The following CKMT2 variants were observed in gnomAD, a reference collection of about 807,000 sequenced individuals.
CKMT2 encodes creatine kinase S-type, mitochondrial.
Under a neutral mutation model 48.9 loss-of-function variants are expected in CKMT2, and 43 were observed. That is an observed-to-expected ratio of 0.88 (90% CI 0.69 to 1.13). The LOEUF (loss-of-function observed/expected upper bound fraction) is 1.13, where lower values mean the gene tolerates loss of function less well. Among genes scored for constraint, CKMT2 ranks in the 50% most tolerant of loss-of-function variants. The probability of loss-of-function intolerance (pLI) is 0.00; values close to 1 mark genes in which losing one functional copy is unlikely to be tolerated. For missense variants in CKMT2, 472 were observed against 555.4 expected (o/e 0.85, Z 1.51); for synonymous variants, 206 against 213.0 (o/e 0.97, Z 0.29).
At chr5:81,260,148 A>G (rs897279934) in intron 8 of CKMT2, among the ~76,000 whole-genome samples, 1 of 152,242 alleles carries the variant, frequency 6.6e-6, no homozygotes, top group Non-Finnish European at 1.5e-5. Context: ...AAAGGCAGAA[A>G]TAAATAAGTT....
chr5:81,253,872 C>G (rs762604525), intron 3 of CKMT2, among the ~76,000 whole-genome samples: 24 of 152,230 alleles, frequency 1.6e-4, no homozygotes, highest in Non-Finnish European at 3.5e-4. Flanking sequence ...GGAAGGTCCG[C>G]ATCGGGTGAG....
rs762249477 is a variant in CKMT2, at chr5:81,254,398, G to C, written c.354G>C (p.Val118=). The change falls in exon 4 of 10, where the codon GTG becomes GTC. Residue 118 remains valine (V), a splice_region_variant and synonymous_variant. Transcript: ENST00000254035. The stretch of plus-strand genomic sequence containing the variant: ...AACACCCATCTTCCCTCCTGCAGGT[G>C]TTTGCTGACCTTTTTGACCCCGTCA... ...MVAGDEESYE[V]FADLFDPVIK... is the part of the protein sequence containing the mutation. 1 of 1,614,028 alleles carries C rather than the reference G, an allele frequency of 6.2e-7. No individual in the cohort carries two copies. Among genetic ancestry groups the C allele is most frequent in the South Asian group, 1.1e-5 (1 of 91,082 alleles).
intron 1 of CKMT2, among the ~76,000 whole-genome samples, chr5:81,250,195 C>T (rs1270117399): frequency 6.6e-6 from 1 of 152,160 alleles, no homozygotes; most frequent in Non-Finnish European, 1.5e-5. Flanking sequence ...TAAGCTATAT[C>T]TTCCAGTTCA....
At chr5:81,241,444 G>A (rs1414062528) in intron 1 of CKMT2, among the ~76,000 whole-genome samples, 2 of 152,146 alleles carry the variant, frequency 1.3e-5, no homozygotes, top group Non-Finnish European at 2.9e-5. Flanking sequence ...GCAAGGGCCT[G>A]GAAACCATCT....
chr5:81,237,421 G>C (rs1321599222), intron 1 of CKMT2: 1 of 152,108 alleles, frequency 6.6e-6, no homozygotes, highest in Admixed American at 6.5e-5. Context: ...ACCAAGCAGG[G>C]TTCCTACACC....
In CKMT2 at chr5:81,256,926, G is replaced by A; in HGVS notation, c.681G>A (p.Leu227=). ...DQQRLIDDHF[L]FDKPVSPLLT... ...CTTTTGGCCTACAGGACCACTTTCT[G>A]TTTGATAAGCCAGTGTCCCCTTTAT... Residue 227 remains leucine, a synonymous_variant, in exon 6 of 10, where the codon CTG becomes CTA. Transcript: ENST00000254035. 1 of 1,613,718 alleles carries A rather than the reference G, an allele frequency of 6.2e-7. No individual in the cohort carries two copies. The highest frequency in any genetic ancestry group is 1.1e-5 in the South Asian group (1 of 91,014).
At position 81,234,433 on chromosome 5, in the gene CKMT2, G is replaced by A. The variant is rs137942091; in HGVS notation, c.-21+1056G>A. ...TCTCTGTTCTGAACTCGTGTCCTTGGTCTGTTCTCTCTGTCCTCTCATAGA... is the reference window on the plus strand; with the variant it reads ...TCTCTGTTCTGAACTCGTGTCCTTGATCTGTTCTCTCTGTCCTCTCATAGA... On this transcript the variant is annotated intron_variant, in intron 1 of 9. Transcript: ENST00000254035. Among the ~76,000 whole-genome samples the A allele has an allele frequency of 3.0e-3, 453 of 152,218 alleles. 2 individuals carry two copies. Among genetic ancestry groups the A allele is most frequent in the African/African-American group, 1.0e-2 (414 of 41,524 alleles).
At chr5:81,248,095 G>A (rs1410646337) in intron 1 of CKMT2, among the ~76,000 whole-genome samples, 1 of 152,204 alleles carries the variant, frequency 6.6e-6, no homozygotes, top group Non-Finnish European at 1.5e-5. Context: ...AAGACCTCCA[G>A]TGGTCACAGG....
In CKMT2 at chr5:81,252,772, G is replaced by T. The variant is rs778884873; in HGVS notation, c.230G>T (p.Arg77Leu). The change falls in exon 3 of 10, where the codon CGC (arginine) becomes CTC (leucine). Residue 77 changes from arginine to leucine, a missense_variant. Coordinates refer to ENST00000254035, the MANE Select transcript of CKMT2 (RefSeq NM_001099735.2). Reference sequence around the variant, plus strand: ...ACCCCCGCCATTTATGCCAAGCTTCGCAACAAGGTGACACCCAACGGCTAC... The same window carrying T: ...ACCCCCGCCATTTATGCCAAGCTTCTCAACAAGGTGACACCCAACGGCTAC... ...CLTPAIYAKL[R>L]NKVTPNGYTL... is the part of the protein sequence containing the mutation. The T allele has an allele frequency of 6.2e-7, 1 of 1,614,066 alleles. No homozygotes were observed. The highest frequency in any genetic ancestry group is 8.5e-7 in the Non-Finnish European group (1 of 1,180,038).
At position 81,266,266 on chromosome 5, in the gene CKMT2, C is replaced by G; in HGVS notation, c.*8C>G. The G allele has an allele frequency of 1.2e-6, 2 of 1,612,142 alleles. No homozygotes were observed. The highest frequency in any genetic ancestry group is 1.7e-6 in the Non-Finnish European group (2 of 1,178,532). ...CAGTTTGGCAAAAAGTAAACTTTCC[C>G]TTTCCCAATTTATAAATAATCTGTC... On this transcript the variant is annotated 3_prime_UTR_variant, in exon 10 of 10. Coordinates refer to ENST00000254035, the MANE Select transcript of CKMT2 (RefSeq NM_001099735.2).
chr5:81,240,363 T>C (rs1475363397), intron 1 of CKMT2, among the ~76,000 whole-genome samples: 1 of 152,178 alleles, frequency 6.6e-6, no homozygotes, highest in Admixed American at 6.5e-5. Flanking sequence ...CAGCTGGAAC[T>C]CTCTGGCAGC....
intron 2 of CKMT2, chr5:81,252,225 A>AAAACCACT (rs1756841630): frequency 5.5e-6 from 1 of 181,356 alleles, no homozygotes; most frequent in Admixed American, 5.4e-5. Flanking sequence ...TATGGATGAG[A>AAAACCACT]GAGACAAGGA....
intron 7 of CKMT2, 184 bp downstream of exon 7, chr5:81,258,040 CA>C: frequency 2.1e-6 from 1 of 473,442 alleles, no homozygotes; most frequent in Non-Finnish European, 3.7e-6. Flanking sequence ...GCTGGGATTA[CA>C]GGTGCCACCA....
intron 1 of CKMT2, chr5:81,237,753 A>G (rs1009050281): frequency 6.6e-6 from 1 of 152,198 alleles, no homozygotes; most frequent in Non-Finnish European, 1.5e-5. Context: ...ATGAAAATGT[A>G]TATGTATATA....
At chr5:81,258,738 T>C (rs1039630052) in intron 7 of CKMT2, among the ~76,000 whole-genome samples, 12 of 152,276 alleles carry the variant, frequency 7.9e-5, no homozygotes, top group Admixed American at 1.3e-4. Context: ...GAACTGCGCA[T>C]GTGAGGGATC....
At chr5:81,257,998 C>G in intron 7 of CKMT2, 142 bp downstream of exon 7, 1 of 700,998 alleles carries the variant, frequency 1.4e-6, no homozygotes, top group Non-Finnish European at 2.3e-6. Flanking sequence ...CTCCCAGGTT[C>G]AAGTGATTAT....
chr5:81,241,616 C>A (rs980002160), intron 1 of CKMT2, among the ~76,000 whole-genome samples: 3 of 152,148 alleles, frequency 2.0e-5, no homozygotes, highest in African/African-American at 7.2e-5. Flanking sequence ...AGGCAATTAG[C>A]GAACACAAAT....
At chr5:81,254,936 C>T in intron 4 of CKMT2, 57 bp from the exon 5 acceptor site, 1 of 1,433,770 alleles carries the variant, frequency 7.0e-7, no homozygotes, top group Non-Finnish European at 9.8e-7. Context: ...CCCACTGTGG[C>T]TGTGGCAGGA....
chr5:81,246,885 C>T (rs1479018751), intron 1 of CKMT2: 1 of 152,214 alleles, frequency 6.6e-6, no homozygotes, highest in East Asian at 1.9e-4. Flanking sequence ...CTTGTGGACC[C>T]GTACCTGCCA....
Sources: gnomAD v4.1 joint callset for allele counts (sites outside exome capture counted in the v4.1 genomes callset) on GRCh38, gnomAD v4.1.1 for gene constraint, MANE v1.5 for transcripts, NCBI Gene and HGNC (gene_info 2026-07-23, HGNC 2026-07-21) for gene names.